Variants in PDE4B observed in about 807,000 individuals in gnomAD.
PDE4B encodes 3',5'-cyclic-AMP phosphodiesterase 4B.
PDE4B carries 20 observed loss-of-function variants against 82.2 expected under a neutral mutation model. That is an observed-to-expected ratio of 0.24 (90% CI 0.17 to 0.35). The LOEUF (loss-of-function observed/expected upper bound fraction) is 0.35. Ranked by LOEUF, PDE4B falls within the 10% of genes least tolerant of loss-of-function variation. The pLI is 1.00. For missense variants in PDE4B, 655 were observed against 907.2 expected (o/e 0.72, Z 3.57); for synonymous variants, 320 against 318.9 (o/e 1.00, Z -0.04).
intron 12 of PDE4B, among the ~76,000 whole-genome samples, chr1:66,365,255 A>C (rs1663151104): frequency 6.6e-6 from 1 of 152,182 alleles, no homozygotes; most frequent in Admixed American, 6.5e-5. Context: ...ATTTTTCTCT[A>C]AGTTATTCAG....
chr1:66,340,271 T>G (rs549386393), intron 8 of PDE4B, among the ~76,000 whole-genome samples: 57 of 152,358 alleles, frequency 3.7e-4, no homozygotes, highest in African/African-American at 1.3e-3. Flanking sequence ...TGATTGACTT[T>G]AAAGTAGCCA....
chr1:65,835,474 C>T (rs1220397143), intron 1 of PDE4B, among the ~76,000 whole-genome samples: 1 of 152,094 alleles, frequency 6.6e-6, no homozygotes, highest in Non-Finnish European at 1.5e-5. Context: ...ACGATATCGG[C>T]AAACCTAAAG....
chr1:65,914,283 T>C (rs1647131097), intron 2 of PDE4B, among the ~76,000 whole-genome samples: 1 of 152,220 alleles, frequency 6.6e-6, no homozygotes, highest in African/African-American at 2.4e-5. Context: ...ATGCTAGAAC[T>C]AATTCTCAGC....
intron 7 of PDE4B, chr1:66,332,136 A>C: frequency 7.6e-7 from 1 of 1,322,500 alleles, no homozygotes; most frequent in Non-Finnish European, 9.7e-7. Flanking sequence ...CCCTGGGATG[A>C]CTAAGGCAGA....
chr1:65,907,251 A>G lies in PDE4B; in HGVS notation c.-70-5994A>G, dbSNP rs1251324341. Among the ~76,000 whole-genome samples the G allele has an allele frequency of 2.0e-5, 3 of 152,316 alleles. No individual in the cohort carries two copies. In the East Asian group the frequency reaches 5.8e-4, roughly 29 times the overall value. ...GTCCTGAATTTCTGAAAGTGTGAAG[A>G]GAGCAGTAGATGCAAATTAAGGGGG... On this transcript the variant is annotated intron_variant, in intron 1 of 16. Transcript: ENST00000341517.
intron 1 of PDE4B, among the ~76,000 whole-genome samples, chr1:65,878,619 A>G (rs1291291606): frequency 2.6e-5 from 4 of 152,130 alleles, no homozygotes; most frequent in African/African-American, 9.7e-5. Context: ...TCCTCAGCAA[A>G]TTAACTCAGG....
In PDE4B at chr1:66,116,983, G is replaced by T. The variant is rs139981864; in HGVS notation, c.282-130477G>T. Among the ~76,000 whole-genome samples the T allele has an allele frequency of 6.8e-3, 1,034 of 152,262 alleles. 12 individuals are homozygous for T. The highest frequency in any genetic ancestry group is 0.023 in the African/African-American group (969 of 41,544). On this transcript the variant is annotated intron_variant, in intron 3 of 16. Coordinates refer to ENST00000341517, the MANE Select transcript of PDE4B (RefSeq NM_002600.4). Reference sequence around the variant, plus strand: ...CATTATTTGCCACCCCTCCAATCCAGCTTTGGTCTTCCAAAGTGCCGGTGA... The same window carrying T: ...CATTATTTGCCACCCCTCCAATCCATCTTTGGTCTTCCAAAGTGCCGGTGA...
intron 3 of PDE4B, among the ~76,000 whole-genome samples, chr1:66,103,992 G>T (rs1318081534): frequency 6.6e-6 from 1 of 151,726 alleles, no homozygotes; most frequent in Non-Finnish European, 1.5e-5. Context: ...CAATGTGCAG[G>T]TTAGTTACAT....
At chr1:65,884,049 T>C (rs1646741231) in intron 1 of PDE4B, among the ~76,000 whole-genome samples, 1 of 152,154 alleles carries the variant, frequency 6.6e-6, no homozygotes, top group African/African-American at 2.4e-5. Context: ...TGCTGCTGGA[T>C]TTGGTTTGCC....
In PDE4B at chr1:65,882,678, A is replaced by AT. The variant is rs1646722049; in HGVS notation, c.-70-30566dup. 5.7e-5 allele frequency among the ~76,000 whole-genome samples: 2 copies of AT among 35,054 alleles called. 1 individual carries two copies. Among genetic ancestry groups the AT allele is most frequent in the South Asian group, 3.0e-3 (2 of 668 alleles). 23.0% of individuals were successfully genotyped at this position (35,054 alleles called of 152,430 possible). On this transcript the variant is annotated intron_variant, in intron 1 of 16. Coordinates refer to ENST00000341517, the MANE Select transcript of PDE4B (RefSeq NM_002600.4). ...CTTGTTTATGGCAACTATTTGAAAAATATGTGTGTGTGTGTGTGTGTGTGT... is the reference window on the plus strand; with the variant it reads ...CTTGTTTATGGCAACTATTTGAAAAATTATGTGTGTGTGTGTGTGTGTGTGT...
In PDE4B at chr1:66,295,680, C is replaced by A. The variant is rs2101824011; in HGVS notation, c.634+29593C>A. Among the ~76,000 whole-genome samples, 3 of 152,264 alleles carry A rather than the reference C, an allele frequency of 2.0e-5. No individual in the cohort carries two copies. The East Asian group carries it at 5.8e-4, about 29-fold the overall frequency. ...TTGACCTGAAGTGATCCTCCCATTT[C>A]AAAGTGCTGGGATTACAGGAGTGAG... On this transcript the variant is annotated intron_variant, in intron 7 of 16. Transcript: ENST00000341517.
intron 3 of PDE4B, among the ~76,000 whole-genome samples, chr1:66,027,179 G>T (rs1653489557): frequency 6.6e-6 from 1 of 152,146 alleles, no homozygotes. Context: ...GGTTTAACTG[G>T]ACTTACCACA....
chr1:66,251,490 G>A (rs989769762), intron 4 of PDE4B, among the ~76,000 whole-genome samples: 1 of 152,156 alleles, frequency 6.6e-6, no homozygotes, highest in Admixed American at 6.6e-5. Context: ...CTTTTAATAA[G>A]TATGTAAATT....
At chr1:65,802,730 G>C (rs935103254) in intron 1 of PDE4B, among the ~76,000 whole-genome samples, 5 of 151,764 alleles carry the variant, frequency 3.3e-5, no homozygotes. Context: ...AGATATGATA[G>C]TTTAAAATGG....
intron 3 of PDE4B, among the ~76,000 whole-genome samples, chr1:66,161,827 A>G (rs1646618634): frequency 6.6e-6 from 1 of 152,190 alleles, no homozygotes; most frequent in Non-Finnish European, 1.5e-5. Context: ...ACTTCAGATA[A>G]TGCAAAGAGC....
At chr1:66,085,950 G>C (rs970353455) in intron 3 of PDE4B, among the ~76,000 whole-genome samples, 6 of 152,048 alleles carry the variant, frequency 3.9e-5, no homozygotes, top group African/African-American at 1.4e-4. Flanking sequence ...ATTTAAAATG[G>C]AGAAAGAAAA....
intron 3 of PDE4B, among the ~76,000 whole-genome samples, chr1:66,089,709 A>G (rs1011850767): frequency 3.3e-5 from 5 of 152,028 alleles, no homozygotes; most frequent in Admixed American, 3.3e-4. Context: ...AACATTTGTA[A>G]ACTATTTGTT....
At chr1:65,967,006 G>A (rs900150275) in intron 3 of PDE4B, among the ~76,000 whole-genome samples, 2 of 152,122 alleles carry the variant, frequency 1.3e-5, no homozygotes, top group African/African-American at 4.8e-5. Context: ...AACACCAAAA[G>A]CAATGGCAAC....
chr1:66,115,783 A>C (rs1645582943), intron 3 of PDE4B, among the ~76,000 whole-genome samples: 1 of 152,222 alleles, frequency 6.6e-6, no homozygotes, highest in South Asian at 2.1e-4. Context: ...TCTTGATAAA[A>C]TGGCCTTGTT....
Sources: allele counts gnomAD v4.1 joint callset (sites outside exome capture counted in the v4.1 genomes callset), GRCh38; gene constraint gnomAD v4.1.1; transcripts MANE v1.5; gene names NCBI Gene and HGNC (gene_info 2026-07-23, HGNC 2026-07-21).